The following ARB2A variants were observed in gnomAD, a reference collection of about 807,000 sequenced individuals.
ARB2A encodes the protein ARB2 cotranscriptional regulator A.
the ARB2A span, among the ~76,000 whole-genome samples, chr5:93,743,956 G>A: frequency 2.6e-5 from 4 of 152,086 alleles, no homozygotes; most frequent in Non-Finnish European, 5.9e-5. Flanking sequence ...ATGAGCCATC[G>A]CGCCTGGCTA....
At chr5:94,022,468 G>A in the ARB2A span, among the ~76,000 whole-genome samples, 1 of 152,118 alleles carries the variant, frequency 6.6e-6, no homozygotes, top group Non-Finnish European at 1.5e-5. Flanking sequence ...AACAAACTAC[G>A]TTGGACCACT....
chr5:93,827,127 G>C, the ARB2A span, among the ~76,000 whole-genome samples: 1 of 152,010 alleles, frequency 6.6e-6, no homozygotes, highest in African/African-American at 2.4e-5. Context: ...GGGATGGCTG[G>C]GTCAAATGGT....
At chr5:93,799,629 A>G in the ARB2A span, among the ~76,000 whole-genome samples, 1 of 152,150 alleles carries the variant, frequency 6.6e-6, no homozygotes, top group South Asian at 2.1e-4. Context: ...AGAAAAACCT[A>G]TTATAAATGG....
the ARB2A span, among the ~76,000 whole-genome samples, chr5:93,855,441 G>T: frequency 1.3e-5 from 2 of 152,120 alleles, no homozygotes; most frequent in Non-Finnish European, 2.9e-5. Context: ...TTTAATTGGA[G>T]CATTTAGCCC....
chr5:93,748,298 TA>T, the ARB2A span, among the ~76,000 whole-genome samples: 1 of 152,062 alleles, frequency 6.6e-6, no homozygotes, highest in African/African-American at 2.4e-5. Context: ...AGGAAAAGGT[TA>T]GCATGAAACT....
the ARB2A span, among the ~76,000 whole-genome samples, chr5:93,910,063 G>A: frequency 8.0e-5 from 12 of 150,798 alleles, no homozygotes; most frequent in African/African-American, 2.7e-4. Flanking sequence ...TAATACAGGT[G>A]CATCTATTCT....
chr5:93,668,644 T>C, the ARB2A span, among the ~76,000 whole-genome samples: 1 of 142,578 alleles, frequency 7.0e-6, no homozygotes, highest in African/African-American at 3.1e-5. Context: ...ATGGTATTTG[T>C]TTTTTTTGAG....
chr5:94,099,236 C>T, the ARB2A span, among the ~76,000 whole-genome samples: 4 of 152,082 alleles, frequency 2.6e-5, no homozygotes, highest in Admixed American at 1.3e-4. Context: ...CAACAAAATA[C>T]GTGCAAATCA....
chr5:94,022,202 A>G, the ARB2A span, among the ~76,000 whole-genome samples: 1 of 152,166 alleles, frequency 6.6e-6, no homozygotes, highest in Non-Finnish European at 1.5e-5. Flanking sequence ...AAATAATAAT[A>G]ACAATTATTA....
At chr5:93,640,689 CCTG>C in the ARB2A span, among the ~76,000 whole-genome samples, 1 of 150,478 alleles carries the variant, frequency 6.6e-6, no homozygotes, top group East Asian at 1.9e-4. Context: ...TGGCCACTGT[CCTG>C]ATGACCCATG....
At chr5:94,053,913 C>T in the ARB2A span, among the ~76,000 whole-genome samples, 9 of 152,106 alleles carry the variant, frequency 5.9e-5, no homozygotes, top group Admixed American at 4.6e-4. Flanking sequence ...GGACTACAGG[C>T]GGGTGCCCCC....
the ARB2A span, among the ~76,000 whole-genome samples, chr5:93,942,636 G>T: frequency 1.3e-5 from 2 of 151,058 alleles, no homozygotes; most frequent in African/African-American, 4.9e-5. Flanking sequence ...ATAACTACAA[G>T]ATCACAATAA....
the ARB2A span, among the ~76,000 whole-genome samples, chr5:93,646,223 G>A: frequency 6.6e-6 from 1 of 151,588 alleles, no homozygotes; most frequent in Admixed American, 6.6e-5. Flanking sequence ...TTTTCACAAG[G>A]GTGAAAAATA....
chr5:93,766,195 A>C, the ARB2A span, among the ~76,000 whole-genome samples: 1 of 152,180 alleles, frequency 6.6e-6, no homozygotes, highest in Non-Finnish European at 1.5e-5. Context: ...AATGGGATCT[A>C]ATTAAACTAA....
chr5:93,880,963 T>C, the ARB2A span, among the ~76,000 whole-genome samples: 1 of 151,724 alleles, frequency 6.6e-6, no homozygotes, highest in South Asian at 2.1e-4. Flanking sequence ...CTGTAGATAG[T>C]TGCTCATCGT....
At chr5:93,989,069 C>T in the ARB2A span, among the ~76,000 whole-genome samples, 1 of 152,122 alleles carries the variant, frequency 6.6e-6, no homozygotes, top group Non-Finnish European at 1.5e-5. Context: ...GACAAACTAA[C>T]TACAAAAGAT....
At chr5:94,110,731 A>G in the ARB2A span, among the ~76,000 whole-genome samples, 3 of 152,262 alleles carry the variant, frequency 2.0e-5, no homozygotes, top group Non-Finnish European at 2.9e-5. Flanking sequence ...CATGTACTAC[A>G]TTAAAAAATC....
chr5:93,967,892 A>AT, the ARB2A span, among the ~76,000 whole-genome samples: 1 of 152,126 alleles, frequency 6.6e-6, no homozygotes, highest in African/African-American at 2.4e-5. Flanking sequence ...AGTTACCACC[A>AT]TATCAACAGA....
chr5:94,086,127 T>C, the ARB2A span, among the ~76,000 whole-genome samples: 24 of 152,356 alleles, frequency 1.6e-4, no homozygotes, highest in Admixed American at 1.2e-3. Context: ...TATATTATAC[T>C]ATATAACTTG....
Sources: allele counts gnomAD v4.1 joint callset (sites outside exome capture counted in the v4.1 genomes callset), GRCh38; gene constraint gnomAD v4.1.1; transcripts MANE v1.5; gene names NCBI Gene and HGNC (gene_info 2026-07-23, HGNC 2026-07-21).